The following PLA2G4A variants were observed in gnomAD, a reference collection of about 807,000 sequenced individuals.
PLA2G4A encodes the protein phospholipase A2 group IVA.
PLA2G4A carries 40 observed loss-of-function variants against 81.9 expected under a neutral mutation model. The ratio of observed to expected loss-of-function variants is 0.49; its 90% CI spans 0.38 to 0.64. PLA2G4A has a LOEUF of 0.64. Among genes scored for constraint, PLA2G4A ranks in the 30% least tolerant of loss-of-function variants. The probability of loss-of-function intolerance (pLI) is 0.00; values close to 1 mark genes in which losing one functional copy is unlikely to be tolerated. For missense variants in PLA2G4A, 715 were observed against 905.1 expected, an observed-to-expected ratio of 0.79 and a Z score of 2.69; for synonymous variants, 302 against 296.9, an observed-to-expected ratio of 1.02 and a Z score of -0.18.
chr1:186,900,018 G>GC (rs12720539), intron 5 of PLA2G4A, among the ~76,000 whole-genome samples: 56,650 of 151,994 alleles, frequency 0.37, 12,398 homozygotes, highest in Non-Finnish European at 0.49. Context: ...TTATAACTTT[G>GC]TTTTTTGGAG....
intron 3 of PLA2G4A, among the ~76,000 whole-genome samples, chr1:186,873,066 T>C (rs1653340451): frequency 6.6e-6 from 1 of 151,980 alleles, no homozygotes; most frequent in African/African-American, 2.4e-5. Flanking sequence ...ATCACCTTAA[T>C]GAGTGCACAA....
At chr1:186,949,842 T>C (rs1468792733) in intron 12 of PLA2G4A, among the ~76,000 whole-genome samples, 1 of 140,192 alleles carries the variant, frequency 7.1e-6, no homozygotes, top group East Asian at 2.1e-4. Context: ...GGCAATAGAG[T>C]GAGACTTCAT....
chr1:186,980,684 T>C (rs746333979), intron 17 of PLA2G4A, among the ~76,000 whole-genome samples: 19 of 152,228 alleles, frequency 1.2e-4, no homozygotes, highest in Admixed American at 2.6e-4. Flanking sequence ...TCTAGTTTGC[T>C]TGCTTGTTTC....
At chr1:186,963,721 A>G (rs1657036508) in intron 14 of PLA2G4A, among the ~76,000 whole-genome samples, 1 of 152,174 alleles carries the variant, frequency 6.6e-6, no homozygotes, top group Non-Finnish European at 1.5e-5. Context: ...GTTATTCAGT[A>G]TTTTAGAAAT....
chr1:186,984,665 C>A (rs537526640), intron 17 of PLA2G4A, among the ~76,000 whole-genome samples: 1 of 152,050 alleles, frequency 6.6e-6, no homozygotes, highest in African/African-American at 2.4e-5. Flanking sequence ...AATTTATAAG[C>A]TTACTATTAT....
At chr1:186,914,024 T>C (rs1039563629) in intron 7 of PLA2G4A, among the ~76,000 whole-genome samples, 13 of 152,190 alleles carry the variant, frequency 8.5e-5, no homozygotes, top group African/African-American at 3.1e-4. Flanking sequence ...TAAGGAAACC[T>C]TCATTAAAGT....
intron 1 of PLA2G4A, among the ~76,000 whole-genome samples, chr1:186,851,408 T>C (rs2102022745): frequency 6.6e-6 from 1 of 152,048 alleles, no homozygotes; most frequent in Non-Finnish European, 1.5e-5. Flanking sequence ...ATGAGGGAAA[T>C]ATGGATGGTA....
chr1:186,886,895 T>A (rs751782291), intron 3 of PLA2G4A, among the ~76,000 whole-genome samples: 23 of 152,162 alleles, frequency 1.5e-4, no homozygotes, highest in Non-Finnish European at 2.1e-4. Context: ...CTCCTGTTCT[T>A]TAGTTCCTCG....
chr1:186,936,797 G>A (rs1175383122), intron 8 of PLA2G4A, among the ~76,000 whole-genome samples: 1 of 151,834 alleles, frequency 6.6e-6, no homozygotes, highest in Non-Finnish European at 1.5e-5. Flanking sequence ...TAAAAAGAAT[G>A]AGGTGTCTTA....
At chr1:186,865,312 A>T (rs1312359583) in intron 2 of PLA2G4A, among the ~76,000 whole-genome samples, 5 of 151,974 alleles carry the variant, frequency 3.3e-5, no homozygotes, top group Admixed American at 1.3e-4. Flanking sequence ...GAGAATTTTT[A>T]AAAAAAGATT....
chr1:186,842,658 G>A (rs1174326902), intron 1 of PLA2G4A, among the ~76,000 whole-genome samples: 1 of 152,118 alleles, frequency 6.6e-6, no homozygotes, highest in Non-Finnish European at 1.5e-5. Context: ...CAGACACCAG[G>A]CACTCTGTGC....
intron 1 of PLA2G4A, among the ~76,000 whole-genome samples, chr1:186,832,406 G>C (rs1571317190): frequency 2.0e-5 from 3 of 151,982 alleles, no homozygotes; most frequent in African/African-American, 7.2e-5. Context: ...TAATAGTTGG[G>C]TATTTTGAGG....
chr1:186,901,063 A>G (rs563525509), intron 5 of PLA2G4A, among the ~76,000 whole-genome samples: 25 of 152,326 alleles, frequency 1.6e-4, no homozygotes, highest in African/African-American at 5.5e-4. Flanking sequence ...TTGGAAAATC[A>G]CGTATTGATG....
At chr1:186,869,585 G>C (rs1653166004) in intron 2 of PLA2G4A, among the ~76,000 whole-genome samples, 1 of 152,074 alleles carries the variant, frequency 6.6e-6, no homozygotes, top group South Asian at 2.1e-4. Context: ...CATTTAGACT[G>C]TCACTGCTCA....
At chr1:186,860,898 G>A (rs546448706) in intron 2 of PLA2G4A, among the ~76,000 whole-genome samples, 120 of 152,108 alleles carry the variant, frequency 7.9e-4, no homozygotes, top group Admixed American at 1.7e-3. Context: ...GTTCCATATA[G>A]TCATATTTCA....
rs550483016 is a variant in PLA2G4A at position 186,857,882 on chromosome 1, T to C, written c.33+3495T>C. On this transcript the variant is annotated intron_variant, in intron 2 of 17. Coordinates refer to ENST00000367466, the MANE Select transcript of PLA2G4A (RefSeq NM_024420.3). ...GTTTTCTGTTCCTGTGTTAGTTTGC[T>C]GACAATGATGGTTTCCAGCTTCATC... is the stretch of plus-strand genomic sequence containing the variant. 7.8e-4 allele frequency among the ~76,000 whole-genome samples: 118 copies of C among 152,256 alleles called. 1 individual carries two copies. Among genetic ancestry groups the C allele is most frequent in the African/African-American group, 2.7e-3 (113 of 41,540 alleles).
At chr1:186,983,578 C>G (rs1005750100) in intron 17 of PLA2G4A, among the ~76,000 whole-genome samples, 1 of 152,208 alleles carries the variant, frequency 6.6e-6, no homozygotes, top group Non-Finnish European at 1.5e-5. Flanking sequence ...TTTCTGCTCA[C>G]GTCATGACAG....
chr1:186,943,664 T>C (rs1656237225), intron 10 of PLA2G4A, among the ~76,000 whole-genome samples: 1 of 152,068 alleles, frequency 6.6e-6, no homozygotes, highest in Non-Finnish European at 1.5e-5. Flanking sequence ...TACCTTTGTG[T>C]GGAAACAATA....
rs116567757 is a variant in PLA2G4A at position 186,848,734 on chromosome 1, C to A, written c.-69-5552C>A. ...AACCTAGTGATTTTACACACACACA[C>A]ACACACACACATACACACATACATA... On this transcript the variant is annotated intron_variant, in intron 1 of 17. Coordinates refer to ENST00000367466, the MANE Select transcript of PLA2G4A (RefSeq NM_024420.3). 2.3e-3 allele frequency among the ~76,000 whole-genome samples: 351 copies of A among 152,110 alleles called. 5 individuals are homozygous for A. The highest frequency in any genetic ancestry group is 7.8e-3 in the African/African-American group (325 of 41,494).
Sources: gnomAD v4.1 joint callset for allele counts (sites outside exome capture counted in the v4.1 genomes callset) on GRCh38, gnomAD v4.1.1 for gene constraint, MANE v1.5 for transcripts, NCBI Gene and HGNC (gene_info 2026-07-23, HGNC 2026-07-21) for gene names.